Variants in BNC2 observed in about 807,000 individuals in gnomAD.
BNC2 encodes zinc finger protein basonuclin-2.
BNC2 carries 20 observed loss-of-function variants against 76.3 expected under a neutral mutation model. The observed-to-expected ratio is 0.26, with a 90% CI of 0.18 to 0.38. The LOEUF is 0.38. BNC2 is among the 10% of genes least tolerant of loss of function. The pLI is 1.00. For synonymous variants in BNC2, 582 were observed against 514.8 expected, an observed-to-expected ratio of 1.13 and a Z score of -1.77; for missense variants, 1,382 against 1,399.8, an observed-to-expected ratio of 0.99 and a Z score of 0.20.
chr9:16,842,679 C>A (rs576218536), intron 1 of BNC2, among the ~76,000 whole-genome samples: 1 of 152,168 alleles, frequency 6.6e-6, no homozygotes, highest in Non-Finnish European at 1.5e-5. Flanking sequence ...TTTGGGAAAT[C>A]TGGTTAAAGG....
chr9:16,816,119 G>C (rs915467622), intron 1 of BNC2, among the ~76,000 whole-genome samples: 1 of 151,956 alleles, frequency 6.6e-6, no homozygotes, highest in Non-Finnish European at 1.5e-5. Flanking sequence ...CCTGACAAAC[G>C]GTAGCAGAGC....
chr9:16,825,843 C>G (rs1037362963), intron 1 of BNC2, among the ~76,000 whole-genome samples: 5 of 152,112 alleles, frequency 3.3e-5, no homozygotes, highest in Non-Finnish European at 7.3e-5. Context: ...CAACCACAGA[C>G]AGTCTTTCAC....
Position 16,436,422 on chromosome 9 carries a change from G to A in BNC2, c.1772C>T (p.Thr591Ile). 6.2e-7 allele frequency: 1 copy of A among 1,614,126 alleles called. No homozygotes were observed. Among genetic ancestry groups the A allele is most frequent in the South Asian group, 1.1e-5 (1 of 91,076 alleles). The change falls in exon 6 of 7, where the codon ACC becomes ATC. Residue 591 changes from threonine (T) to isoleucine (I), a missense_variant. Coordinates refer to ENST00000380672, the MANE Select transcript of BNC2 (RefSeq NM_017637.6). ...EMVSPPTSLP[T>I]SPIIPTSGTI... Reference sequence around the variant, plus strand: ...ACCACTGGTTGGAATGATGGGACTGGTTGGGAGGGAGGTTGGAGGACTCAC... The same window carrying A: ...ACCACTGGTTGGAATGATGGGACTGATTGGGAGGGAGGTTGGAGGACTCAC...
At chr9:16,832,139 G>T (rs1252202908) in intron 1 of BNC2, 1 of 333,258 alleles carries the variant, frequency 3.0e-6, no homozygotes, top group Non-Finnish European at 5.1e-6. Context: ...CTGGATGTAG[G>T]ATATTTCAAC....
At chr9:16,691,210 A>G (rs1042572762) in intron 3 of BNC2, among the ~76,000 whole-genome samples, 1 of 152,170 alleles carries the variant, frequency 6.6e-6, no homozygotes, top group Non-Finnish European at 1.5e-5. Flanking sequence ...AATATTTATT[A>G]ATTCCCACAT....
At chr9:16,697,482 G>A (rs976818876) in intron 3 of BNC2, among the ~76,000 whole-genome samples, 1 of 152,180 alleles carries the variant, frequency 6.6e-6, no homozygotes, top group Non-Finnish European at 1.5e-5. Flanking sequence ...AGCACTTTGG[G>A]AGGCTGAGGC....
chr9:16,853,624 T>A (rs1819182781), intron 1 of BNC2, among the ~76,000 whole-genome samples: 1 of 152,040 alleles, frequency 6.6e-6, no homozygotes, highest in South Asian at 2.1e-4. Context: ...CCCACCACTT[T>A]AGGAGGCTGA....
At chr9:16,843,567 C>A (rs879334042) in intron 1 of BNC2, among the ~76,000 whole-genome samples, 7 of 152,232 alleles carry the variant, frequency 4.6e-5, no homozygotes, top group Non-Finnish European at 8.8e-5. Context: ...CTCCTGACCT[C>A]AAGTGATCCA....
chr9:16,632,649 T>G (rs942497892), intron 3 of BNC2, among the ~76,000 whole-genome samples: 1 of 152,218 alleles, frequency 6.6e-6, no homozygotes, highest in East Asian at 1.9e-4. Flanking sequence ...GCAGACAGCA[T>G]ACACTTAGGT....
chr9:16,488,806 C>G (rs11788735), intron 5 of BNC2, among the ~76,000 whole-genome samples: 25,441 of 151,856 alleles, frequency 0.17, 2,608 homozygotes, highest in South Asian at 0.32. Context: ...AAGGTGATGG[C>G]CTGAACAAGG....
chr9:16,523,063 C>A (rs1817669867), intron 5 of BNC2, among the ~76,000 whole-genome samples: 1 of 152,154 alleles, frequency 6.6e-6, no homozygotes, highest in South Asian at 2.1e-4. Context: ...AACATGGAAG[C>A]AGAACTGGTG....
intron 3 of BNC2, among the ~76,000 whole-genome samples, chr9:16,655,156 T>G (rs72704077): frequency 0.011 from 1,718 of 151,560 alleles, 18 homozygotes; most frequent in Non-Finnish European, 0.017. Flanking sequence ...TTACAGAAAT[T>G]CAAGTAAAGG....
intron 3 of BNC2, among the ~76,000 whole-genome samples, chr9:16,700,482 T>G (rs1233350916): frequency 6.6e-6 from 1 of 152,054 alleles, no homozygotes; most frequent in Non-Finnish European, 1.5e-5. Context: ...CTGCACTCCA[T>G]CCCAAGCAAC....
At chr9:16,427,557 C>T (rs2119269834) in intron 6 of BNC2, among the ~76,000 whole-genome samples, 1 of 152,294 alleles carries the variant, frequency 6.6e-6, no homozygotes, top group Non-Finnish European at 1.5e-5. Flanking sequence ...TCGTGTCTAC[C>T]ATTGATTAAT....
intron 5 of BNC2, chr9:16,476,376 T>A (rs1821927754): frequency 6.6e-6 from 1 of 152,086 alleles, no homozygotes; most frequent in African/African-American, 2.4e-5. Flanking sequence ...GGTGCTCCCT[T>A]TAGGTCGCCG....
chr9:16,839,463 A>C (rs1317390147), intron 1 of BNC2, among the ~76,000 whole-genome samples: 1 of 152,218 alleles, frequency 6.6e-6, no homozygotes, highest in East Asian at 1.9e-4. Flanking sequence ...CCTATACCAA[A>C]TATTAAGCAA....
intron 3 of BNC2, among the ~76,000 whole-genome samples, chr9:16,643,642 T>A (rs920724280): frequency 2.0e-5 from 3 of 152,062 alleles, no homozygotes; most frequent in African/African-American, 7.2e-5. Context: ...TTTTTTTGCA[T>A]GAAAAAATAT....
In BNC2 at chr9:16,870,670, T is replaced by C; in HGVS notation, c.-22A>G. On this transcript the variant is annotated 5_prime_UTR_variant, in exon 1 of 7. Transcript: ENST00000380672. ...CCATCTCGGCATGCTGGTTGTCAAG[T>C]GCAGCCCCCGCCTCTTGGTCTCCTC... 2 of 1,609,738 alleles carry C rather than the reference T, an allele frequency of 1.2e-6. No homozygotes were observed. Among genetic ancestry groups the C allele is most frequent in the Non-Finnish European group, 1.7e-6 (2 of 1,178,106 alleles).
chr9:16,690,131 C>A (rs1823112675), intron 3 of BNC2, among the ~76,000 whole-genome samples: 1 of 152,020 alleles, frequency 6.6e-6, no homozygotes, highest in Non-Finnish European at 1.5e-5. Context: ...CTCAGAAGGA[C>A]CAAGAATATA....
Sources: allele counts gnomAD v4.1 joint callset (sites outside exome capture counted in the v4.1 genomes callset), GRCh38; gene constraint gnomAD v4.1.1; transcripts MANE v1.5; gene names NCBI Gene and HGNC (gene_info 2026-07-23, HGNC 2026-07-21).